CRIM1: variants seen among roughly 807,000 people sequenced by gnomAD.
CRIM1 encodes the protein cysteine-rich motor neuron 1 protein.
In CRIM1, 32 loss-of-function variants were observed where a neutral mutation model predicts 116.4. The observed-to-expected ratio is 0.27, with a 90% confidence interval of 0.21 to 0.37. The LOEUF (loss-of-function observed/expected upper bound fraction) is 0.37. CRIM1 is among the 10% of genes least tolerant of loss of function. The pLI, the probability that CRIM1 is intolerant of heterozygous loss-of-function variation, is 1.00. For synonymous variants in CRIM1, 590 were observed against 509.2 expected, an observed-to-expected ratio of 1.16 and a Z score of -2.13; for missense variants, 1,331 against 1,354.8, an observed-to-expected ratio of 0.98 and a Z score of 0.28.
At chr2:36,535,414 A>G (rs1305992897) in intron 13 of CRIM1, among the ~76,000 whole-genome samples, 2 of 152,224 alleles carry the variant, frequency 1.3e-5, no homozygotes, top group Non-Finnish European at 2.9e-5. Context: ...AAAGCCTCCA[A>G]ATGAGTTTTT....
chr2:36,500,646 C>T (rs1467025752), intron 8 of CRIM1, among the ~76,000 whole-genome samples: 1 of 151,978 alleles, frequency 6.6e-6, no homozygotes, highest in Non-Finnish European at 1.5e-5. Context: ...TTTATGCCTC[C>T]CAGCTTATAT....
intron 1 of CRIM1, among the ~76,000 whole-genome samples, chr2:36,390,483 G>A (rs1440031949): frequency 6.6e-6 from 1 of 152,166 alleles, no homozygotes; most frequent in Non-Finnish European, 1.5e-5. Context: ...TCAGGGCACG[G>A]GGTGTTGAAG....
At position 36,522,303 on chromosome 2, in the gene CRIM1, C is replaced by G. The variant is rs755854505; in HGVS notation, c.2418C>G (p.Pro806=). The change falls in exon 13 of 17, where the codon CCC becomes CCG. Residue 806 remains proline, a synonymous_variant. Coordinates refer to ENST00000280527, the MANE Select transcript of CRIM1 (RefSeq NM_016441.3). ...TCTTGAGAAAAGGCCAGTGTTGTCCCTACTGCATAGGTAAGACCAAGGAAA... is the reference window on the plus strand; with the variant it reads ...TCTTGAGAAAAGGCCAGTGTTGTCCGTACTGCATAGGTAAGACCAAGGAAA... ...RPVLRKGQCC[P]YCIEDTIPKK... 1 of 1,613,040 alleles carries G rather than the reference C, an allele frequency of 6.2e-7. No individual in the cohort carries two copies. Among genetic ancestry groups the G allele is most frequent in the South Asian group, 1.1e-5 (1 of 91,044 alleles).
intron 2 of CRIM1, among the ~76,000 whole-genome samples, chr2:36,402,963 A>G (rs947737358): frequency 1.4e-4 from 21 of 152,166 alleles, no homozygotes; most frequent in Non-Finnish European, 1.5e-5. Flanking sequence ...ATTAAGTAGA[A>G]TTCATACATA....
At chr2:36,419,890 T>C (rs1366896105) in intron 2 of CRIM1, among the ~76,000 whole-genome samples, 1 of 152,248 alleles carries the variant, frequency 6.6e-6, no homozygotes, top group Non-Finnish European at 1.5e-5. Context: ...TGGCAGTTTA[T>C]AAATAATCCT....
intron 1 of CRIM1, among the ~76,000 whole-genome samples, chr2:36,362,974 G>T (rs1669327929): frequency 1.3e-5 from 2 of 151,958 alleles, no homozygotes; most frequent in African/African-American, 4.8e-5. Context: ...GAGGCAGATG[G>T]ATCGCCTGAG....
chr2:36,484,175 C>G (rs3770845), intron 7 of CRIM1, among the ~76,000 whole-genome samples: 41,608 of 152,074 alleles, frequency 0.27, 5,978 homozygotes, highest in South Asian at 0.39. Flanking sequence ...CAGAGTTTAA[C>G]TGGGGCTTCC....
chr2:36,416,423 C>T (rs998870513), intron 2 of CRIM1, among the ~76,000 whole-genome samples: 3 of 152,060 alleles, frequency 2.0e-5, no homozygotes, highest in Admixed American at 6.6e-5. Flanking sequence ...CTAGAATGAC[C>T]GGTTCCTTGA....
intron 14 of CRIM1, 99 bp downstream of exon 14, chr2:36,537,645 C>G (rs111801413): frequency 3.8e-6 from 5 of 1,319,326 alleles, no homozygotes; most frequent in Non-Finnish European, 5.1e-6. Context: ...TTCGTTCACA[C>G]GGCCCAAGTA....
chr2:36,442,103 T>C (rs1296935464), intron 3 of CRIM1, among the ~76,000 whole-genome samples: 1 of 152,228 alleles, frequency 6.6e-6, no homozygotes, highest in African/African-American at 2.4e-5. Context: ...TTTCTTGCTT[T>C]ATATTATTTC....
At chr2:36,381,255 T>C (rs1670744888) in intron 1 of CRIM1, among the ~76,000 whole-genome samples, 1 of 151,672 alleles carries the variant, frequency 6.6e-6, no homozygotes. Context: ...GGGGAAGGAG[T>C]GCCCCATGGC....
chr2:36,386,832 A>G (rs568636053), intron 1 of CRIM1, among the ~76,000 whole-genome samples: 1 of 152,346 alleles, frequency 6.6e-6, no homozygotes, highest in East Asian at 1.9e-4. Flanking sequence ...GGGGAAACCT[A>G]AAGGAAGTAT....
chr2:36,495,914 C>T (rs894269451), intron 7 of CRIM1, among the ~76,000 whole-genome samples: 7 of 151,952 alleles, frequency 4.6e-5, no homozygotes, highest in Non-Finnish European at 8.8e-5. Flanking sequence ...ATATTTTTGT[C>T]GTAATGTTGT....
At chr2:36,481,666 A>T (rs1306928667) in intron 7 of CRIM1, among the ~76,000 whole-genome samples, 1 of 152,166 alleles carries the variant, frequency 6.6e-6, no homozygotes, top group East Asian at 1.9e-4. Context: ...TGAAGCCTTT[A>T]TTATCCCATT....
chr2:36,507,093 C>A (rs1681486129), intron 8 of CRIM1, among the ~76,000 whole-genome samples: 1 of 152,160 alleles, frequency 6.6e-6, no homozygotes, highest in South Asian at 2.1e-4. Context: ...CTCTTGGCCT[C>A]AAGCAATTCT....
At chr2:36,373,387 G>A (rs1670072614) in intron 1 of CRIM1, among the ~76,000 whole-genome samples, 1 of 152,178 alleles carries the variant, frequency 6.6e-6, no homozygotes, top group Admixed American at 6.5e-5. Flanking sequence ...GGTGTGAAGT[G>A]CAACCAGCAA....
intron 7 of CRIM1, among the ~76,000 whole-genome samples, chr2:36,495,475 A>ATTTTTTT (rs1024205619): frequency 7.7e-6 from 1 of 129,680 alleles, no homozygotes; most frequent in African/African-American, 2.8e-5. Flanking sequence ...TTATTTATTT[A>ATTTTTTT]TTTTTTTTTT....
chr2:36,489,930 T>G (rs930534636), intron 7 of CRIM1, among the ~76,000 whole-genome samples: 2 of 152,148 alleles, frequency 1.3e-5, no homozygotes, highest in African/African-American at 4.8e-5. Context: ...AACAATGATA[T>G]CAGACTGCTA....
intron 3 of CRIM1, 99 bp from the exon 4 acceptor site, chr2:36,442,516 G>C: frequency 4.1e-6 from 6 of 1,447,064 alleles, no homozygotes; most frequent in Non-Finnish European, 5.8e-6. Flanking sequence ...TGGAAGCAAG[G>C]AGACTTTGGA....
Sources: gnomAD v4.1 joint callset for allele counts (sites outside exome capture counted in the v4.1 genomes callset) on GRCh38, gnomAD v4.1.1 for gene constraint, MANE v1.5 for transcripts, NCBI Gene and HGNC (gene_info 2026-07-23, HGNC 2026-07-21) for gene names.